The following DACH1 variants were observed in gnomAD, a reference collection of about 807,000 sequenced individuals.
DACH1 encodes dachshund family transcription factor 1, also known as dachshund homolog 1.
In DACH1, 12 loss-of-function variants were observed where a neutral mutation model predicts 54.2. The observed-to-expected ratio is 0.22, with a 90% CI of 0.14 to 0.36. The LOEUF (loss-of-function observed/expected upper bound fraction) is 0.36. DACH1 is among the 10% of genes least tolerant of loss of function. The pLI, the probability that DACH1 is intolerant of heterozygous loss-of-function variation, is 1.00. For missense variants in DACH1, 805 were observed against 929.8 expected (o/e 0.87, Z 1.75); for synonymous variants, 386 against 366.2 (o/e 1.05, Z -0.62).
chr13:71,604,613 T>C (rs558868880), intron 3 of DACH1, among the ~76,000 whole-genome samples: 1 of 151,978 alleles, frequency 6.6e-6, no homozygotes, highest in African/African-American at 2.4e-5. Flanking sequence ...GTGACATAAC[T>C]GAAACAAAAA....
intron 10 of DACH1, among the ~76,000 whole-genome samples, chr13:71,459,004 A>T (rs1875834852): frequency 6.6e-6 from 1 of 151,856 alleles, no homozygotes; most frequent in Non-Finnish European, 1.5e-5. Context: ...GTTAAAGTGA[A>T]TTGGCTGCTA....
intron 10 of DACH1, among the ~76,000 whole-genome samples, chr13:71,461,758 TAAGGACAGTCAAAAGAC>T (rs1366175900): frequency 6.6e-6 from 1 of 151,924 alleles, no homozygotes; most frequent in Non-Finnish European, 1.5e-5. Flanking sequence ...AGAAATTTGG[TAAGGACAGTCAAAAGAC>T]AATGATACTT....
intron 6 of DACH1, among the ~76,000 whole-genome samples, chr13:71,547,533 T>C (rs533823869): frequency 1.1e-4 from 16 of 152,090 alleles, no homozygotes; most frequent in Non-Finnish European, 2.4e-4. Context: ...AAATCTAAAA[T>C]GCAGCTTCTA....
chr13:71,448,157 A>G (rs1874638552), intron 10 of DACH1, among the ~76,000 whole-genome samples: 1 of 152,164 alleles, frequency 6.6e-6, no homozygotes, highest in African/African-American at 2.4e-5. Flanking sequence ...TAATCTAGGG[A>G]TATTTGCTGC....
intron 3 of DACH1, chr13:71,573,585 GA>G (rs1478252456): frequency 1.9e-6 from 1 of 515,888 alleles, no homozygotes; most frequent in African/African-American, 2.0e-5. Context: ...TGTGGGGAAT[GA>G]ATATAAATTA....
intron 6 of DACH1, among the ~76,000 whole-genome samples, chr13:71,541,159 A>G (rs772768969): frequency 2.0e-5 from 3 of 151,984 alleles, no homozygotes; most frequent in Non-Finnish European, 4.4e-5. Flanking sequence ...TTCATATGTA[A>G]TTTTATTTTT....
intron 1 of DACH1, among the ~76,000 whole-genome samples, chr13:71,726,087 C>A (rs1487088692): frequency 6.6e-6 from 1 of 152,072 alleles, no homozygotes; most frequent in Non-Finnish European, 1.5e-5. Context: ...CTCACAGATG[C>A]TTCCCCCTCA....
intron 1 of DACH1, among the ~76,000 whole-genome samples, chr13:71,735,279 T>A (rs1243412765): frequency 3.4e-5 from 3 of 88,092 alleles, no homozygotes; most frequent in African/African-American, 9.7e-5. Context: ...TACACGTATG[T>A]ATATGGGATA....
At chr13:71,553,120 C>T (rs1365341225) in intron 6 of DACH1, among the ~76,000 whole-genome samples, 1 of 135,610 alleles carries the variant, frequency 7.4e-6, no homozygotes, top group African/African-American at 2.8e-5. Context: ...GACATATATC[C>T]ATATATGTAT....
chr13:71,757,601 G>A (rs1885223548), intron 1 of DACH1, among the ~76,000 whole-genome samples: 1 of 147,560 alleles, frequency 6.8e-6, no homozygotes, highest in Admixed American at 6.9e-5. Flanking sequence ...TTGGCTCACT[G>A]TAATCTCTGC....
intron 2 of DACH1, among the ~76,000 whole-genome samples, chr13:71,679,315 C>A (rs1438299170): frequency 6.6e-6 from 1 of 152,136 alleles, no homozygotes; most frequent in East Asian, 1.9e-4. Flanking sequence ...TATTTAGAAA[C>A]TCCACTTACT....
At chr13:71,545,850 T>A (rs900006297) in intron 6 of DACH1, among the ~76,000 whole-genome samples, 2 of 152,076 alleles carry the variant, frequency 1.3e-5, no homozygotes, top group Non-Finnish European at 2.9e-5. Flanking sequence ...CTTGTTCCCT[T>A]CATTAACATA....
chr13:71,804,002 G>A (rs1887389185), intron 1 of DACH1, among the ~76,000 whole-genome samples: 1 of 152,076 alleles, frequency 6.6e-6, no homozygotes, highest in South Asian at 2.1e-4. Flanking sequence ...GAACAGATTG[G>A]CTTTTTATTT....
At chr13:71,730,116 G>T (rs1439393194) in intron 1 of DACH1, among the ~76,000 whole-genome samples, 1 of 151,708 alleles carries the variant, frequency 6.6e-6, no homozygotes, top group African/African-American at 2.4e-5. Flanking sequence ...CGAGTTAGTG[G>T]GTGCAGCACA....
intron 2 of DACH1, among the ~76,000 whole-genome samples, chr13:71,659,102 G>C (rs1329033714): frequency 6.6e-6 from 1 of 152,068 alleles, no homozygotes; most frequent in East Asian, 1.9e-4. Context: ...ATCAAAAATA[G>C]AAAACAAAGT....
At chr13:71,683,867 T>C (rs1881030070) in intron 1 of DACH1, among the ~76,000 whole-genome samples, 1 of 152,044 alleles carries the variant, frequency 6.6e-6, no homozygotes, top group Non-Finnish European at 1.5e-5. Context: ...TTCAGACAGA[T>C]GAATGCTTAT....
intron 1 of DACH1, among the ~76,000 whole-genome samples, chr13:71,844,470 G>C (rs970950981): frequency 6.6e-6 from 1 of 152,238 alleles, no homozygotes. Context: ...ATTAAAAAGA[G>C]GGGAGGCATT....
chr13:71,483,051 C>T (rs1437967794), intron 7 of DACH1, among the ~76,000 whole-genome samples: 2 of 151,922 alleles, frequency 1.3e-5, no homozygotes, highest in Non-Finnish European at 2.9e-5. Context: ...GATCCACCCA[C>T]CTCAGCATCC....
In DACH1 at chr13:71,540,977, C is replaced by T. The variant is rs12858741; in HGVS notation, c.1570+16047G>A. On this transcript the variant is annotated intron_variant, in intron 6 of 10. Coordinates refer to ENST00000613252, the MANE Select transcript of DACH1 (RefSeq NM_080759.6). ...TAATATGCCTATTATAAAGGAAATG[C>T]TATGTTTTTTATTTTATGTATTGTT... Among the ~76,000 whole-genome samples, 732 of 151,846 alleles carry T rather than the reference C, an allele frequency of 4.8e-3. 1 individual carries two copies. The highest frequency in any genetic ancestry group is 8.9e-3 in the Non-Finnish European group (604 of 67,864).
Sources: allele counts gnomAD v4.1 joint callset (sites outside exome capture counted in the v4.1 genomes callset), GRCh38; gene constraint gnomAD v4.1.1; transcripts MANE v1.5; gene names NCBI Gene and HGNC (gene_info 2026-07-23, HGNC 2026-07-21).